CCDC85A: variants seen among roughly 807,000 people sequenced by gnomAD.
CCDC85A encodes coiled-coil domain containing 85A, also known as coiled-coil domain-containing protein 85A.
CCDC85A carries 38 observed loss-of-function variants against 50.2 expected under a neutral mutation model. The ratio of observed to expected loss-of-function variants is 0.76; its 90% CI spans 0.58 to 0.99. The LOEUF is 0.99. Ranked by LOEUF, CCDC85A falls within the 50% of genes least tolerant of loss-of-function variation. The pLI is 0.00. For synonymous variants in CCDC85A, 366 were observed against 301.4 expected (o/e 1.21, Z -2.22); for missense variants, 820 against 742.0 (o/e 1.11, Z -1.22).
intron 3 of CCDC85A, among the ~76,000 whole-genome samples, chr2:56,351,820 G>C (rs1674960032): frequency 6.6e-6 from 1 of 151,976 alleles, no homozygotes; most frequent in African/African-American, 2.4e-5. Flanking sequence ...CACTCCAATG[G>C]TAGTTTCTTT....
At chr2:56,289,547 C>G (rs1212837759) in intron 2 of CCDC85A, among the ~76,000 whole-genome samples, 1 of 151,994 alleles carries the variant, frequency 6.6e-6, no homozygotes, top group Non-Finnish European at 1.5e-5. Context: ...ACTTGGGAGT[C>G]TATGTAGTTT....
At chr2:56,237,124 T>G (rs1669054383) in intron 2 of CCDC85A, among the ~76,000 whole-genome samples, 1 of 152,182 alleles carries the variant, frequency 6.6e-6, no homozygotes, top group Admixed American at 6.6e-5. Context: ...TCTCTGAGGA[T>G]AGACTCAGAA....
chr2:56,359,624 T>C (rs944835854), intron 3 of CCDC85A, among the ~76,000 whole-genome samples: 6 of 152,178 alleles, frequency 3.9e-5, no homozygotes, highest in African/African-American at 1.4e-4. Context: ...GCTAAATCTA[T>C]GTTTATCGAT....
At chr2:56,284,414 C>G (rs1375829501) in intron 2 of CCDC85A, among the ~76,000 whole-genome samples, 1 of 152,058 alleles carries the variant, frequency 6.6e-6, no homozygotes, top group African/African-American at 2.4e-5. Flanking sequence ...CTCTTGTTGC[C>G]CAGGTTGGAG....
intron 2 of CCDC85A, among the ~76,000 whole-genome samples, chr2:56,235,811 A>G (rs1668986601): frequency 6.6e-6 from 1 of 152,224 alleles, no homozygotes; most frequent in Non-Finnish European, 1.5e-5. Context: ...AAAAATAAAA[A>G]TAAATTCTCA....
intron 2 of CCDC85A, among the ~76,000 whole-genome samples, chr2:56,285,237 G>T (rs1473785685): frequency 6.6e-6 from 1 of 151,266 alleles, no homozygotes; most frequent in African/African-American, 2.4e-5. Flanking sequence ...AAGTAGCTGG[G>T]ATTACAGGCG....
At chr2:56,383,325 ACAAT>A (rs753197040) in intron 5 of CCDC85A, among the ~76,000 whole-genome samples, 15 of 152,006 alleles carry the variant, frequency 9.9e-5, no homozygotes, top group Non-Finnish European at 1.5e-4. Context: ...AAAGTTTTGC[ACAAT>A]CAATCAATCT....
At chr2:56,335,463 A>AT (rs1355504076) in intron 2 of CCDC85A, among the ~76,000 whole-genome samples, 2 of 152,156 alleles carry the variant, frequency 1.3e-5, no homozygotes, top group Non-Finnish European at 2.9e-5. Context: ...AGACTGGGTG[A>AT]TTTATAGTGA....
chr2:56,207,303 G>A (rs983147257), intron 2 of CCDC85A, among the ~76,000 whole-genome samples: 3 of 152,118 alleles, frequency 2.0e-5, no homozygotes. Flanking sequence ...AGAGTAGGCA[G>A]GCTCTGCCAC....
At chr2:56,365,061 A>G (rs1573348777) in intron 3 of CCDC85A, among the ~76,000 whole-genome samples, 1 of 152,076 alleles carries the variant, frequency 6.6e-6, no homozygotes, top group South Asian at 2.1e-4. Flanking sequence ...GTCATGTTGG[A>G]CTCAGCTTTT....
chr2:56,362,188 AG>A (rs766807887), intron 3 of CCDC85A, among the ~76,000 whole-genome samples: 29 of 152,104 alleles, frequency 1.9e-4, no homozygotes, highest in Non-Finnish European at 3.7e-4. Flanking sequence ...GGAAGAATTG[AG>A]GATGACTTCT....
chr2:56,246,447 A>G (rs1669514185), intron 2 of CCDC85A, among the ~76,000 whole-genome samples: 1 of 151,952 alleles, frequency 6.6e-6, no homozygotes, highest in South Asian at 2.1e-4. Context: ...CCACATAATC[A>G]AAAGTCATGA....
intron 2 of CCDC85A, among the ~76,000 whole-genome samples, chr2:56,263,369 A>G (rs1371177008): frequency 1.3e-5 from 2 of 152,244 alleles, no homozygotes; most frequent in African/African-American, 4.8e-5. Flanking sequence ...GACAGGTAGA[A>G]TAATTTACTT....
chr2:56,239,830 G>C (rs377615696), intron 2 of CCDC85A, among the ~76,000 whole-genome samples: 1 of 152,166 alleles, frequency 6.6e-6, no homozygotes, highest in East Asian at 1.9e-4. Flanking sequence ...CCCTTGAAAG[G>C]CTTCTGAAAT....
At chr2:56,290,724 A>C (rs1046727301) in intron 2 of CCDC85A, among the ~76,000 whole-genome samples, 3 of 152,240 alleles carry the variant, frequency 2.0e-5, no homozygotes, top group African/African-American at 7.2e-5. Context: ...CCAAAAGGAC[A>C]TCTCTCAAGA....
At chr2:56,225,375 G>A (rs1238166224) in intron 2 of CCDC85A, among the ~76,000 whole-genome samples, 1 of 152,076 alleles carries the variant, frequency 6.6e-6, no homozygotes, top group South Asian at 2.1e-4. Context: ...GCAGTGAGCC[G>A]AGACTGCGCC....
chr2:56,202,262 A>G (rs1676777549), intron 2 of CCDC85A, among the ~76,000 whole-genome samples: 1 of 152,236 alleles, frequency 6.6e-6, no homozygotes, highest in African/African-American at 2.4e-5. Flanking sequence ...GAAACCTGTG[A>G]TTCAGCCAGA....
chr2:56,287,282 C>G (rs1450933681), intron 2 of CCDC85A, among the ~76,000 whole-genome samples: 1 of 152,180 alleles, frequency 6.6e-6, no homozygotes, highest in Non-Finnish European at 1.5e-5. Context: ...CTCTGCCCTA[C>G]ACATTCTGGT....
chr2:56,200,722 G>T (rs1573014130), intron 2 of CCDC85A, among the ~76,000 whole-genome samples: 1 of 152,142 alleles, frequency 6.6e-6, no homozygotes, highest in South Asian at 2.1e-4. Context: ...CTGGTTTGTT[G>T]TTCCAAAGAT....
Sources: gnomAD v4.1 joint callset for allele counts (sites outside exome capture counted in the v4.1 genomes callset) on GRCh38, gnomAD v4.1.1 for gene constraint, MANE v1.5 for transcripts, NCBI Gene and HGNC (gene_info 2026-07-23, HGNC 2026-07-21) for gene names.